Variants in ZNF75D observed in about 807,000 individuals in gnomAD.
ZNF75D encodes the protein zinc finger protein 75D, also known as zinc finger protein 75.
Under a neutral mutation model 33.3 loss-of-function variants are expected in ZNF75D, and 33 were observed. That is an observed-to-expected ratio of 0.99 (90% confidence interval 0.75 to 1.32). ZNF75D has a LOEUF of 1.32. Ranked by LOEUF, ZNF75D falls within the 40% of genes most tolerant of loss-of-function variation. The pLI is 0.00. For synonymous variants in ZNF75D, 113 were observed against 130.6 expected, an observed-to-expected ratio of 0.87 and a Z score of 0.92; for missense variants, 338 against 367.5, an observed-to-expected ratio of 0.92 and a Z score of 0.66.
At chrX:135,341,571 G>C (rs1556444774) in intron 1 of ZNF75D, among the ~76,000 whole-genome samples, 197 bp downstream of exon 1, 1 of 112,109 alleles carries the variant, frequency 8.9e-6, no homozygotes, top group African/African-American at 3.3e-5. Flanking sequence ...CTCAGCAACT[G>C]ACAGAATCCT....
chrX:135,268,877 A>G (rs1209539289), intron 1 of ZNF75D, among the ~76,000 whole-genome samples: 4 of 111,983 alleles, frequency 3.6e-5, no homozygotes, highest in African/African-American at 1.3e-4. Flanking sequence ...TCAAAACAGC[A>G]TGGTACCGGC....
chrX:135,327,163 G>C (rs1466585867), intron 1 of ZNF75D, among the ~76,000 whole-genome samples: 1 of 112,497 alleles, frequency 8.9e-6, no homozygotes, highest in Admixed American at 9.3e-5. Context: ...TGTATGTAAT[G>C]ATGTTTTACT....
chrX:135,260,907 C>T (rs1378048042), intron 1 of ZNF75D, among the ~76,000 whole-genome samples: 2 of 111,861 alleles, frequency 1.8e-5, no homozygotes, highest in African/African-American at 6.5e-5. Flanking sequence ...TCGATTTTAT[C>T]TTTCCTGCTT....
intron 1 of ZNF75D, among the ~76,000 whole-genome samples, chrX:135,261,313 T>C (rs1198894151): frequency 8.9e-6 from 1 of 112,332 alleles, no homozygotes; most frequent in Non-Finnish European, 1.9e-5. Flanking sequence ...GCTATCAGGT[T>C]TGCTTGTTGC....
chrX:135,288,369 C>CT (rs2083987519), intron 6 of ZNF75D, among the ~76,000 whole-genome samples: 1 of 112,623 alleles, frequency 8.9e-6, no homozygotes, highest in African/African-American at 3.2e-5. Context: ...AGTTTCTGCT[C>CT]TTTTTTACAT....
chrX:135,300,294 T>C (rs1422318993), intron 1 of ZNF75D, among the ~76,000 whole-genome samples: 1 of 111,917 alleles, frequency 8.9e-6, no homozygotes, highest in Non-Finnish European at 1.9e-5. Context: ...CTGAATGTTA[T>C]AAAGCTTCCC....
At chrX:135,293,279 T>A (rs1166825340) in intron 3 of ZNF75D, among the ~76,000 whole-genome samples, 1 of 111,915 alleles carries the variant, frequency 8.9e-6, no homozygotes, top group Non-Finnish European at 1.9e-5. Flanking sequence ...CTTTTTTTCT[T>A]TCCATTTTGT....
intron 1 of ZNF75D, among the ~76,000 whole-genome samples, chrX:135,333,799 A>T (rs1401962759): frequency 2.7e-5 from 3 of 111,781 alleles, no homozygotes; most frequent in Non-Finnish European, 5.6e-5. Context: ...TCCCCCCAAA[A>T]AAAATCAGTC....
At chrX:135,293,408 C>G (rs2084076502) in intron 3 of ZNF75D, among the ~76,000 whole-genome samples, 1 of 111,737 alleles carries the variant, frequency 8.9e-6, no homozygotes, top group African/African-American at 3.3e-5. Flanking sequence ...TTTCCCAACT[C>G]TTTCTTGCCC....
Position 135,263,762 on chromosome X carries a change from T to C in ZNF75D, n.828-7985A>G, listed in dbSNP as rs533560276. Among the ~76,000 whole-genome samples, 328 of 112,803 alleles carry C rather than the reference T, an allele frequency of 2.9e-3. 1 individual carries two copies. Among genetic ancestry groups the C allele is most frequent in the Middle Eastern group, 0.014 (3 of 218 alleles). ...TAGGAAAAGGAAATCCCCTGACCCC[T>C]TGTGCTTCCTGGGTGAGGCGACACC... On this transcript the variant is annotated intron_variant and non_coding_transcript_variant, in intron 1 of 3. Transcript: ENST00000494295.
intron 1 of ZNF75D, among the ~76,000 whole-genome samples, chrX:135,308,957 G>T (rs1051143292): frequency 8.9e-6 from 1 of 111,972 alleles, no homozygotes; most frequent in Non-Finnish European, 1.9e-5. Context: ...CCTGTAGGTT[G>T]TAGAATGAAG....
chrX:135,281,058 T>C (rs1434416089), downstream of ZNF75D, among the ~76,000 whole-genome samples: 1 of 111,702 alleles, frequency 9.0e-6, no homozygotes, highest in Non-Finnish European at 1.9e-5. Context: ...GGGGAAGTTC[T>C]CCTGGATAAT....
At chrX:135,329,549 A>G (rs1177237867) in intron 1 of ZNF75D, among the ~76,000 whole-genome samples, 1 of 112,479 alleles carries the variant, frequency 8.9e-6, no homozygotes, top group African/African-American at 3.2e-5. Flanking sequence ...AAGTGCTGTC[A>G]TGCCTTTAAA....
chrX:135,334,645 T>C (rs2084689494), intron 1 of ZNF75D, among the ~76,000 whole-genome samples: 1 of 110,504 alleles, frequency 9.0e-6, no homozygotes, highest in East Asian at 2.9e-4. Flanking sequence ...TCTCTCTCAC[T>C]CCACTTCAAG....
downstream of ZNF75D, among the ~76,000 whole-genome samples, chrX:135,284,080 C>T (rs896872965): frequency 8.9e-6 from 1 of 111,925 alleles, no homozygotes; most frequent in Non-Finnish European, 1.9e-5. Flanking sequence ...TTCATACCCC[C>T]TCACACTTGG....
At chrX:135,308,195 G>T (rs1225509374) in intron 1 of ZNF75D, among the ~76,000 whole-genome samples, 2 of 112,315 alleles carry the variant, frequency 1.8e-5, no homozygotes, top group Non-Finnish European at 3.8e-5. Flanking sequence ...TACGTTCTGA[G>T]AGCAGTCGTG....
chrX:135,303,244 G>A (rs1419302774), intron 1 of ZNF75D, among the ~76,000 whole-genome samples: 4 of 109,742 alleles, frequency 3.6e-5, no homozygotes, highest in Non-Finnish European at 5.7e-5. Flanking sequence ...GCAAAGAGGC[G>A]TTCCCTCCTC....
chrX:135,287,111 A>G lies in ZNF75D; in HGVS notation c.*26T>C. 1 of 1,136,692 alleles carries G rather than the reference A, an allele frequency of 8.8e-7. No individual in the cohort carries two copies. Among genetic ancestry groups the G allele is most frequent in the East Asian group, 3.0e-5 (1 of 33,536 alleles). 93.7% of individuals were successfully genotyped at this position (1,136,692 alleles called of 1,213,427 possible). On this transcript the variant is annotated 3_prime_UTR_variant, in exon 7 of 7. Transcript: ENST00000370766. ...TTTTGTATTCTTTCACCACTTCTAA[A>G]GTCAAGCTCTACATGGTAACTTTCC...
chrX:135,263,903 A>G (rs1042887924), intron 1 of ZNF75D, among the ~76,000 whole-genome samples: 6 of 112,061 alleles, frequency 5.4e-5, no homozygotes, highest in Admixed American at 3.8e-4. Flanking sequence ...TGAGTCGATC[A>G]CGCTGGGAGC....
Sources: gnomAD v4.1 joint callset for allele counts (sites outside exome capture counted in the v4.1 genomes callset) on GRCh38, gnomAD v4.1.1 for gene constraint, MANE v1.5 for transcripts, NCBI Gene and HGNC (gene_info 2026-07-23, HGNC 2026-07-21) for gene names.